BABAM2: variants seen among roughly 807,000 people sequenced by gnomAD.
BABAM2 encodes BRISC and BRCA1-A complex member 2.
A neutral mutation model predicts 54.7 loss-of-function variants in BABAM2; 31 were observed. The observed-to-expected ratio is 0.57, with a 90% CI of 0.43 to 0.77. The LOEUF (loss-of-function observed/expected upper bound fraction) is 0.77, where lower values mean the gene tolerates loss of function less well. Among genes scored for constraint, BABAM2 ranks in the 30% least tolerant of loss-of-function variants. The probability of loss-of-function intolerance (pLI) is 0.00; values close to 1 mark genes in which losing one functional copy is unlikely to be tolerated. For synonymous variants in BABAM2, 167 were observed against 162.9 expected (o/e 1.03, Z -0.19); for missense variants, 364 against 455.8 (o/e 0.80, Z 1.83).
At chr2:28,333,283 C>T (rs1342009544) in intron 11 of BABAM2, among the ~76,000 whole-genome samples, 3 of 152,108 alleles carry the variant, frequency 2.0e-5, no homozygotes, top group Non-Finnish European at 2.9e-5. Context: ...AGGAGTGTGG[C>T]CAGGCCTCGA....
chr2:27,934,773 A>G (rs963373744), intron 3 of BABAM2, among the ~76,000 whole-genome samples: 1 of 152,272 alleles, frequency 6.6e-6, no homozygotes, highest in African/African-American at 2.4e-5. Flanking sequence ...AGATCAAACC[A>G]GCCACAAGAT....
intron 3 of BABAM2, among the ~76,000 whole-genome samples, chr2:27,967,551 G>C (rs959233936): frequency 1.3e-5 from 2 of 152,154 alleles, no homozygotes; most frequent in Admixed American, 1.3e-4. Context: ...CCAGTAGAGT[G>C]GGGTGCTGCT....
At chr2:28,046,562 A>G (rs1433575606) in intron 6 of BABAM2, among the ~76,000 whole-genome samples, 1 of 152,224 alleles carries the variant, frequency 6.6e-6, no homozygotes, top group African/African-American at 2.4e-5. Flanking sequence ...GCAATCTAGC[A>G]TAAGAAAAAT....
chr2:28,142,337 A>G (rs1671137997), intron 7 of BABAM2, among the ~76,000 whole-genome samples: 1 of 152,124 alleles, frequency 6.6e-6, no homozygotes, highest in African/African-American at 2.4e-5. Context: ...CAGGGAATGA[A>G]CCTCCTGTCT....
At position 28,322,341 on chromosome 2, in the gene BABAM2, C is replaced by T. The variant is rs1441823588; in HGVS notation, c.1089-16109C>T. On this transcript the variant is annotated intron_variant, in intron 11 of 11. Coordinates refer to ENST00000379624, the MANE Select transcript of BABAM2 (RefSeq NM_199191.3). The surrounding 1 kb of genome is among the most constrained non-coding windows in gnomAD (Gnocchi z 4.1). ...CTTACGAACCAGAAACATCAACCAG[C>T]AACCCCAGACAGTTTATGTAAGATT... Among the ~76,000 whole-genome samples the T allele has an allele frequency of 6.6e-6, 1 of 152,224 alleles. No homozygotes were observed. Among genetic ancestry groups the T allele is most frequent in the African/African-American group, 2.4e-5 (1 of 41,460 alleles).
intron 4 of BABAM2, among the ~76,000 whole-genome samples, chr2:28,002,351 C>T (rs943179535): frequency 3.9e-5 from 6 of 152,136 alleles, no homozygotes; most frequent in Non-Finnish European, 7.3e-5. Context: ...AACATTATTG[C>T]TCTGGGGAAT....
At chr2:28,190,761 C>G (rs1022810021) in intron 7 of BABAM2, among the ~76,000 whole-genome samples, 10 of 152,118 alleles carry the variant, frequency 6.6e-5, no homozygotes, top group African/African-American at 2.4e-4. Flanking sequence ...TCCAAAGGTT[C>G]TACTTACTAA....
intron 7 of BABAM2, among the ~76,000 whole-genome samples, chr2:28,227,187 A>C (rs534619420): frequency 7.9e-5 from 12 of 152,142 alleles, no homozygotes; most frequent in African/African-American, 2.9e-4. Context: ...ACTAAACAGA[A>C]CTTTTTATTT....
chr2:28,124,320 G>C (rs1669316179), intron 6 of BABAM2, among the ~76,000 whole-genome samples: 1 of 152,184 alleles, frequency 6.6e-6, no homozygotes, highest in African/African-American at 2.4e-5. Context: ...TTATACAATT[G>C]AGTAGTTTCT....
chr2:28,080,426 C>T (rs1665060807), intron 6 of BABAM2, among the ~76,000 whole-genome samples: 1 of 152,038 alleles, frequency 6.6e-6, no homozygotes, highest in South Asian at 2.1e-4. Flanking sequence ...GATTTCAGTA[C>T]CAAAATTTGT....
chr2:28,082,144 C>T (rs1665230699), intron 6 of BABAM2, among the ~76,000 whole-genome samples: 1 of 152,156 alleles, frequency 6.6e-6, no homozygotes, highest in African/African-American at 2.4e-5. Flanking sequence ...AAGAACAAGC[C>T]ATTCACCCTG....
chr2:28,335,266 T>A (rs534588327), intron 11 of BABAM2, among the ~76,000 whole-genome samples: 169 of 145,494 alleles, frequency 1.2e-3, no homozygotes, highest in Non-Finnish European at 2.1e-3. Flanking sequence ...GCCTCCCGGG[T>A]TCAAGCGATT....
chr2:28,219,467 T>A (rs1680200871), intron 7 of BABAM2, among the ~76,000 whole-genome samples: 1 of 152,216 alleles, frequency 6.6e-6, no homozygotes, highest in Non-Finnish European at 1.5e-5. Context: ...TAATTCATGA[T>A]AATCTCCTCA....
chr2:28,144,015 G>A (rs534291418), intron 7 of BABAM2, among the ~76,000 whole-genome samples: 255 of 152,272 alleles, frequency 1.7e-3, no homozygotes, highest in Non-Finnish European at 3.1e-3. Flanking sequence ...ACTGCTTTGC[G>A]GTAACATTTG....
intron 3 of BABAM2, among the ~76,000 whole-genome samples, chr2:27,962,421 A>G (rs1231219517): frequency 6.6e-6 from 1 of 152,194 alleles, no homozygotes; most frequent in East Asian, 1.9e-4. Flanking sequence ...AATGTGGGAA[A>G]TATGAGGGAA....
chr2:28,227,223 T>C (rs762006870), intron 7 of BABAM2, among the ~76,000 whole-genome samples: 8 of 152,178 alleles, frequency 5.3e-5, no homozygotes, highest in Non-Finnish European at 1.2e-4. Context: ...TTCTTTCCTT[T>C]GCAGTTCACC....
intron 6 of BABAM2, among the ~76,000 whole-genome samples, chr2:28,111,532 T>C (rs1668024443): frequency 6.6e-6 from 1 of 152,250 alleles, no homozygotes; most frequent in African/African-American, 2.4e-5. Flanking sequence ...TTATCACTTG[T>C]ATACTTATTC....
At chr2:28,284,306 G>A (rs545444291) in intron 10 of BABAM2, among the ~76,000 whole-genome samples, 2 of 151,742 alleles carry the variant, frequency 1.3e-5, no homozygotes, top group East Asian at 3.9e-4. Flanking sequence ...TCAGAAAACA[G>A]TAGCAAGAAA....
At chr2:27,972,771 A>AG (rs1671308495) in intron 3 of BABAM2, among the ~76,000 whole-genome samples, 1 of 95,830 alleles carries the variant, frequency 1.0e-5, no homozygotes, top group Non-Finnish European at 1.9e-5. Flanking sequence ...TTTAATTATT[A>AG]GCTTTTTTTT....
Sources: allele counts gnomAD v4.1 joint callset (sites outside exome capture counted in the v4.1 genomes callset), GRCh38; gene constraint gnomAD v4.1.1; non-coding constraint Gnocchi (gnomAD v3.1); transcripts MANE v1.5; gene names NCBI Gene and HGNC (gene_info 2026-07-23, HGNC 2026-07-21).